DYNC1I1: variants seen among roughly 807,000 people sequenced by gnomAD.
The protein encoded by DYNC1I1 is cytoplasmic dynein 1 intermediate chain 1.
A neutral mutation model predicts 86.6 loss-of-function variants in DYNC1I1; 43 were observed. The observed-to-expected ratio is 0.50, with a 90% CI of 0.39 to 0.64. The LOEUF (loss-of-function observed/expected upper bound fraction) is 0.64. Ranked by LOEUF, DYNC1I1 falls within the 30% of genes least tolerant of loss-of-function variation. DYNC1I1 has a pLI of 0.00. For synonymous variants in DYNC1I1, 262 were observed against 283.7 expected (o/e 0.92, Z 0.77); for missense variants, 604 against 788.8 (o/e 0.77, Z 2.81).
intron 6 of DYNC1I1, among the ~76,000 whole-genome samples, chr7:95,909,513 A>T (rs910323790): frequency 6.6e-6 from 1 of 152,032 alleles, no homozygotes; most frequent in Admixed American, 6.6e-5. Flanking sequence ...CTGTCCTGGA[A>T]TGTGAAGGAA....
intron 1 of DYNC1I1, among the ~76,000 whole-genome samples, chr7:95,772,993 G>A (rs1793744083): frequency 6.6e-6 from 1 of 152,298 alleles, no homozygotes; most frequent in Non-Finnish European, 1.5e-5. Context: ...TCTCGGCAGA[G>A]CCGAGAGACT....
chr7:96,014,101 T>C (rs941748382), intron 10 of DYNC1I1, among the ~76,000 whole-genome samples: 1 of 152,104 alleles, frequency 6.6e-6, no homozygotes, highest in East Asian at 1.9e-4. Context: ...TTAATGACAT[T>C]CAAATCATTT....
At chr7:96,067,125 T>C (rs900231938) in intron 14 of DYNC1I1, among the ~76,000 whole-genome samples, 1 of 151,966 alleles carries the variant, frequency 6.6e-6, no homozygotes, top group Non-Finnish European at 1.5e-5. Flanking sequence ...AGAAAAAACA[T>C]GTCATAAAAA....
intron 10 of DYNC1I1, among the ~76,000 whole-genome samples, chr7:95,997,332 G>A (rs1022945605): frequency 6.6e-6 from 1 of 151,946 alleles, no homozygotes; most frequent in African/African-American, 2.4e-5. Context: ...GGAAAATACT[G>A]TAAGGATTAA....
In DYNC1I1 at chr7:96,007,974, A is replaced by C. The variant is rs145119764; in HGVS notation, c.969+11901A>C. 5.3e-3 allele frequency among the ~76,000 whole-genome samples: 807 copies of C among 152,292 alleles called. 10 individuals carry two copies. Among genetic ancestry groups the C allele is most frequent in the African/African-American group, 0.018 (762 of 41,568 alleles). ...ACCACCTGTGTTCCTACGGTGAAGTAAGAGCTGCTGAGACCCATATACCCT... is the reference window on the plus strand; with the variant it reads ...ACCACCTGTGTTCCTACGGTGAAGTCAGAGCTGCTGAGACCCATATACCCT... On this transcript the variant is annotated intron_variant, in intron 10 of 16. Coordinates refer to ENST00000447467, the MANE Select transcript of DYNC1I1 (RefSeq NM_001135556.2).
chr7:96,040,726 T>C (rs1229185771), intron 14 of DYNC1I1, among the ~76,000 whole-genome samples: 3 of 151,676 alleles, frequency 2.0e-5, no homozygotes, highest in Non-Finnish European at 4.4e-5. Context: ...GTTTTTTTTT[T>C]TTTTCTTTTT....
intron 10 of DYNC1I1, among the ~76,000 whole-genome samples, chr7:96,005,490 G>A (rs28485763): frequency 0.029 from 4,480 of 152,092 alleles, 212 homozygotes; most frequent in African/African-American, 0.1. Context: ...GACACGAGAC[G>A]TATAGTAGTT....
chr7:96,087,112 A>T (rs1790704751), intron 16 of DYNC1I1, among the ~76,000 whole-genome samples: 1 of 152,166 alleles, frequency 6.6e-6, no homozygotes, highest in Non-Finnish European at 1.5e-5. Context: ...TTAGGCAATA[A>T]TAGTGTACTT....
intron 6 of DYNC1I1, among the ~76,000 whole-genome samples, chr7:95,965,299 T>C (rs925388969): frequency 2.6e-5 from 4 of 152,160 alleles, no homozygotes; most frequent in African/African-American, 9.7e-5. Flanking sequence ...TCCAAACCCA[T>C]TAATATATCT....
intron 2 of DYNC1I1, among the ~76,000 whole-genome samples, chr7:95,805,389 G>A (rs1348626920): frequency 6.6e-6 from 1 of 152,074 alleles, no homozygotes; most frequent in Non-Finnish European, 1.5e-5. Flanking sequence ...AGCATCTTAG[G>A]TTTGGTAAGG....
chr7:96,067,467 C>A (rs1272612261), intron 14 of DYNC1I1, among the ~76,000 whole-genome samples: 4 of 86,998 alleles, frequency 4.6e-5, no homozygotes, highest in Non-Finnish European at 9.5e-5. Context: ...TTTTTTATTT[C>A]TTCTTAAAGC....
chr7:95,842,010 C>G (rs1789296700), intron 5 of DYNC1I1, among the ~76,000 whole-genome samples: 1 of 152,184 alleles, frequency 6.6e-6, no homozygotes, highest in South Asian at 2.1e-4. Context: ...GGAATCATTT[C>G]CTCTGGTAGT....
chr7:95,924,404 CAAT>C (rs1791688248), intron 6 of DYNC1I1, among the ~76,000 whole-genome samples: 2 of 152,084 alleles, frequency 1.3e-5, no homozygotes, highest in Non-Finnish European at 2.9e-5. Flanking sequence ...GAAAATATGT[CAAT>C]AATTTTTATA....
chr7:96,059,010 A>G (rs910588377), intron 14 of DYNC1I1, among the ~76,000 whole-genome samples: 2 of 152,070 alleles, frequency 1.3e-5, no homozygotes, highest in African/African-American at 4.8e-5. Flanking sequence ...ACTGACAAAT[A>G]CTAAATGAAC....
chr7:95,839,492 T>G (rs2116003908), intron 5 of DYNC1I1, among the ~76,000 whole-genome samples: 1 of 152,230 alleles, frequency 6.6e-6, no homozygotes, highest in East Asian at 1.9e-4. Context: ...CAATTGGTGT[T>G]GCAGTTCATA....
At chr7:95,789,098 G>A (rs749444734) in intron 1 of DYNC1I1, among the ~76,000 whole-genome samples, 8 of 152,174 alleles carry the variant, frequency 5.3e-5, no homozygotes, top group Admixed American at 1.3e-4. Flanking sequence ...ATACACATGA[G>A]TATCAGAAGG....
At chr7:95,822,931 G>C (rs1203428162) in intron 4 of DYNC1I1, among the ~76,000 whole-genome samples, 1 of 152,150 alleles carries the variant, frequency 6.6e-6, no homozygotes, top group African/African-American at 2.4e-5. Flanking sequence ...GTCTGGTCTT[G>C]GGGAAAGATA....
downstream of DYNC1I1, among the ~76,000 whole-genome samples, chr7:96,100,490 G>GC (rs1791114729): frequency 6.6e-6 from 1 of 151,956 alleles, no homozygotes; most frequent in Non-Finnish European, 1.5e-5. Context: ...GATGTCCTAG[G>GC]CCTTATAAAA....
At chr7:95,855,883 T>C (rs1789707437) in intron 5 of DYNC1I1, among the ~76,000 whole-genome samples, 1 of 152,110 alleles carries the variant, frequency 6.6e-6, no homozygotes, top group Non-Finnish European at 1.5e-5. Flanking sequence ...AGTGAGTGAG[T>C]GGTAAGTGAA....
Sources: allele counts gnomAD v4.1 joint callset (sites outside exome capture counted in the v4.1 genomes callset), GRCh38; gene constraint gnomAD v4.1.1; transcripts MANE v1.5; gene names NCBI Gene and HGNC (gene_info 2026-07-23, HGNC 2026-07-21).